The following UBXN4 variants were observed in gnomAD, a reference collection of about 807,000 sequenced individuals.
The protein encoded by UBXN4 is UBX domain protein 4.
Under a neutral mutation model 66.2 loss-of-function variants are expected in UBXN4, and 35 were observed. That is an observed-to-expected ratio of 0.53 (90% CI 0.40 to 0.70). The LOEUF is 0.70. UBXN4 is among the 30% of genes least tolerant of loss of function. UBXN4 has a pLI of 0.00. For missense variants in UBXN4, 533 were observed against 599.8 expected (o/e 0.89, Z 1.16); for synonymous variants, 203 against 204.5 (o/e 0.99, Z 0.06).
At chr2:135,753,698 C>G in intron 3 of UBXN4, 131 bp downstream of exon 3, 1 of 784,300 alleles carries the variant, frequency 1.3e-6, no homozygotes, top group Non-Finnish European at 1.9e-6. Context: ...AACTTTATTA[C>G]TAAGTGTCCT....
At chr2:135,777,611 G>C (rs2077423883) in intron 10 of UBXN4, among the ~76,000 whole-genome samples, 1 of 152,172 alleles carries the variant, frequency 6.6e-6, no homozygotes, top group Non-Finnish European at 1.5e-5. Context: ...CTCAGGCCAG[G>C]CATGGTGGCT....
Position 135,754,225 on chromosome 2 carries a change from C to T in UBXN4, c.281C>T (p.Ala94Val), listed in dbSNP as rs1161112380. The T allele has an allele frequency of 1.9e-6, 3 of 1,614,086 alleles. No individual in the cohort carries two copies. The highest frequency in any genetic ancestry group is 2.5e-6 in the Non-Finnish European group (3 of 1,179,984). The change falls in exon 4 of 13, where the codon GCA becomes GTA. Residue 94 changes from alanine to valine, a missense_variant. By Grantham distance (64) the Ala-to-Val change is moderately conservative. Transcript: ENST00000272638. ...GDSGIPLEVI[A>V]GSVSADELVT... is the part of the protein sequence containing the mutation. ...AGTGGAATTCCCTTGGAAGTAATAG[C>T]AGGAAGTGTTTCTGCAGATGAACTT...
chr2:135,745,402 C>G (rs1460348389), intron 1 of UBXN4, among the ~76,000 whole-genome samples: 2 of 152,068 alleles, frequency 1.3e-5, no homozygotes, highest in Non-Finnish European at 2.9e-5. Context: ...AAAGAGTTCT[C>G]TTGTTATTTT....
At chr2:135,782,638 G>A (rs2077457150) in intron 12 of UBXN4, 111 bp from the exon 13 acceptor site, 3 of 1,278,894 alleles carry the variant, frequency 2.3e-6, no homozygotes, top group Admixed American at 2.2e-5. Context: ...ACTTTAGATG[G>A]CATTAAAAGT....
chr2:135,743,861 G>GTA (rs2077192020), intron 1 of UBXN4, among the ~76,000 whole-genome samples: 1 of 101,310 alleles, frequency 9.9e-6, no homozygotes, highest in Non-Finnish European at 3.1e-5. Flanking sequence ...TCGGGGTTTT[G>GTA]TGTATATATA....
At position 135,776,391 on chromosome 2, in the gene UBXN4, AG is replaced by A. The variant is rs752673067; in HGVS notation, c.1053+42del. The A allele has an allele frequency of 1.6e-4, 240 of 1,545,870 alleles. 1 individual carries two copies. In the East Asian group the frequency reaches 4.9e-3, roughly 32 times the overall value. The stretch of plus-strand genomic sequence containing the variant: ...TGAGTTGTAGTAAAAATAGATGTGT[AG>A]GTTACTAAATTATAGGAAGGGAAAA... On this transcript the variant is annotated intron_variant, in intron 10 of 12. Coordinates refer to ENST00000272638, the MANE Select transcript of UBXN4 (RefSeq NM_014607.4).
chr2:135,762,574 TA>T (rs2077322134), intron 6 of UBXN4, among the ~76,000 whole-genome samples: 1 of 152,234 alleles, frequency 6.6e-6, no homozygotes, highest in Non-Finnish European at 1.5e-5. Flanking sequence ...CTTGTTCACA[TA>T]GATGCTTCGG....
intron 6 of UBXN4, among the ~76,000 whole-genome samples, chr2:135,762,513 G>A (rs1329648165): frequency 6.6e-6 from 1 of 152,114 alleles, no homozygotes; most frequent in Non-Finnish European, 1.5e-5. Flanking sequence ...AAATTCCTTA[G>A]CATTTAAAAA....
chr2:135,748,761 GGCTCAT>G (rs2077225005), intron 2 of UBXN4, among the ~76,000 whole-genome samples: 1 of 151,650 alleles, frequency 6.6e-6, no homozygotes, highest in Non-Finnish European at 1.5e-5. Flanking sequence ...CAGGCACAGT[GGCTCAT>G]GCCTGTAATC....
Position 135,779,083 on chromosome 2 carries a change from T to A in UBXN4, c.1185+4T>A, listed in dbSNP as rs1282964612. 6.3e-7 allele frequency: 1 copy of A among 1,590,280 alleles called. No individual in the cohort carries two copies. Among genetic ancestry groups the A allele is most frequent in the Admixed American group, 1.8e-5 (1 of 54,946 alleles). ...CGCTTCGGTGGTACTGTTGCCAGTA[T>A]GTATATACAGATGCATTTTTTTCTC... On this transcript the variant is annotated splice_donor_region_variant and intron_variant, in intron 11 of 12. Coordinates refer to ENST00000272638, the MANE Select transcript of UBXN4 (RefSeq NM_014607.4).
At chr2:135,744,085 T>G (rs747520641) in intron 1 of UBXN4, among the ~76,000 whole-genome samples, 1 of 152,234 alleles carries the variant, frequency 6.6e-6, no homozygotes, top group Non-Finnish European at 1.5e-5. Flanking sequence ...TAGGAGTATG[T>G]AGATACTGGA....
chr2:135,745,551 A>G (rs1242462002), intron 1 of UBXN4, among the ~76,000 whole-genome samples: 1 of 152,240 alleles, frequency 6.6e-6, no homozygotes, highest in African/African-American at 2.4e-5. Context: ...TTTAGTATAC[A>G]GTTCAATGCC....
At chr2:135,776,431 G>A in intron 10 of UBXN4, 80 bp downstream of exon 10, 1 of 1,253,376 alleles carries the variant, frequency 8.0e-7, no homozygotes, top group Non-Finnish European at 1.1e-6. Flanking sequence ...CAAAGCAGAA[G>A]TTGAATGTGA....
At chr2:135,763,775 A>G (rs2077330510) in intron 6 of UBXN4, among the ~76,000 whole-genome samples, 1 of 152,102 alleles carries the variant, frequency 6.6e-6, no homozygotes, top group Admixed American at 6.5e-5. Flanking sequence ...GCAGTGAGCC[A>G]TGATCACACC....
intron 2 of UBXN4, 146 bp downstream of exon 2, chr2:135,748,515 A>G: frequency 4.2e-6 from 2 of 477,712 alleles, no homozygotes; most frequent in Non-Finnish European, 6.8e-6. Context: ...GGATCGCTTG[A>G]GCCCAGGAGT....
chr2:135,752,415 C>T (rs555629904), intron 2 of UBXN4, among the ~76,000 whole-genome samples: 1 of 152,084 alleles, frequency 6.6e-6, no homozygotes, highest in East Asian at 1.9e-4. Flanking sequence ...CTCCTGACCT[C>T]GTGTCCACCT....
At chr2:135,779,154 G>C in intron 11 of UBXN4, 75 bp downstream of exon 11, 1 of 1,437,252 alleles carries the variant, frequency 7.0e-7, no homozygotes, top group Non-Finnish European at 9.2e-7. Context: ...CTTATAATTA[G>C]GGGAAAGGAA....
Position 135,762,487 on chromosome 2 carries a change from A to G in UBXN4, c.602+576A>G, listed in dbSNP as rs140995899. Among the ~76,000 whole-genome samples, 930 of 152,324 alleles carry G rather than the reference A, an allele frequency of 6.1e-3. 10 individuals are homozygous for G. Among genetic ancestry groups the G allele is most frequent in the African/African-American group, 0.021 (872 of 41,564 alleles). ...GATTTAAACCCCTTTAGCGTTAGTT[A>G]TATGGAAGTTTAAAAAAATTCCTTA... On this transcript the variant is annotated intron_variant, in intron 6 of 12. Transcript: ENST00000272638.
At position 135,761,912 on chromosome 2, in the gene UBXN4, G is replaced by C; in HGVS notation, c.602+1G>C. 6.2e-7 allele frequency: 1 copy of C among 1,607,620 alleles called. No homozygotes were observed. The highest frequency in any genetic ancestry group is 8.5e-7 in the Non-Finnish European group (1 of 1,178,488). ...AGGACCTCAACATCCGAGTGGAAAGGTTTGCTCTTCTTTTTGCAAATAGCA... is the reference window on the plus strand; with the variant it reads ...AGGACCTCAACATCCGAGTGGAAAGCTTTGCTCTTCTTTTTGCAAATAGCA... On this transcript the variant is annotated splice_donor_variant, in intron 6 of 12. Transcript: ENST00000272638. LOFTEE classifies it high-confidence loss of function.
Sources: gnomAD v4.1 joint callset for allele counts (sites outside exome capture counted in the v4.1 genomes callset) on GRCh38, gnomAD v4.1.1 for gene constraint, MANE v1.5 for transcripts, NCBI Gene and HGNC (gene_info 2026-07-23, HGNC 2026-07-21) for gene names.